Variants in DLG2 observed in about 807,000 individuals in gnomAD.
The protein encoded by DLG2 is discs large MAGUK scaffold protein 2, also known as disks large homolog 2.
Under a neutral mutation model 132.5 loss-of-function variants are expected in DLG2, and 45 were observed. That is an observed-to-expected ratio of 0.34 (90% CI 0.27 to 0.44). The LOEUF is 0.44. Among genes scored for constraint, DLG2 ranks in the 20% least tolerant of loss-of-function variants. The pLI, the probability that DLG2 is intolerant of heterozygous loss-of-function variation, is 1.00. For missense variants in DLG2, 1,045 were observed against 1,196.9 expected, an observed-to-expected ratio of 0.87 and a Z score of 1.87; for synonymous variants, 424 against 419.6, an observed-to-expected ratio of 1.01 and a Z score of -0.13.
rs146761023 is a variant in DLG2 at position 84,546,548 on chromosome 11, G to T, written c.358-11817C>A. 3,421 of 368,324 alleles carry T rather than the reference G, an allele frequency of 9.3e-3. 33 individuals carry two copies. The highest frequency in any genetic ancestry group is 0.013 in the Non-Finnish European group (2,497 of 186,546). 22.8% of individuals were successfully genotyped at this position (368,324 alleles called of 1,614,324 possible). A position where few individuals can be genotyped will look rare whatever the true frequency, so the allele number is the denominator to read the frequency against. On this transcript the variant is annotated intron_variant, in intron 6 of 27. Transcript: ENST00000376104. Reference sequence around the variant, plus strand: ...AAATATCTTTTTCACAGTTAAGTAGGCAACTAGTCTTTGAGAATCTCCTCT... The same window carrying T: ...AAATATCTTTTTCACAGTTAAGTAGTCAACTAGTCTTTGAGAATCTCCTCT...
At chr11:85,012,139 T>TGGAGA (rs1566644270) in intron 6 of DLG2, among the ~76,000 whole-genome samples, 15 of 80,698 alleles carry the variant, frequency 1.9e-4, no homozygotes, top group Middle Eastern at 5.7e-3. Context: ...CTGACCAACA[T>TGGAGA]AATCTATGTG....
chr11:84,354,594 CTTAGAAGTGTTGCCT>C (rs1388014020), intron 7 of DLG2, among the ~76,000 whole-genome samples: 3 of 152,042 alleles, frequency 2.0e-5, no homozygotes, highest in Non-Finnish European at 4.4e-5. Flanking sequence ...TCACTGACTC[CTTAGAAGTGTTGCCT>C]TTAGAAGTAC....
At chr11:84,624,976 GCCT>G (rs369456887) in intron 6 of DLG2, among the ~76,000 whole-genome samples, 8,251 of 144,148 alleles carry the variant, frequency 0.057, 266 homozygotes, top group African/African-American at 0.087. Flanking sequence ...TCCTGCCTCA[GCCT>G]CCTCCCAAGT....
At chr11:84,966,264 C>T (rs1011211720) in intron 6 of DLG2, among the ~76,000 whole-genome samples, 1 of 151,996 alleles carries the variant, frequency 6.6e-6, no homozygotes, top group Non-Finnish European at 1.5e-5. Flanking sequence ...GCATTACCAA[C>T]ATACCCCAGT....
chr11:85,082,263 C>G (rs2067332157), intron 6 of DLG2, among the ~76,000 whole-genome samples: 1 of 151,890 alleles, frequency 6.6e-6, no homozygotes, highest in African/African-American at 2.4e-5. Context: ...TTTTAAAAAA[C>G]CTTCAAACTA....
intron 21 of DLG2, among the ~76,000 whole-genome samples, chr11:83,499,547 G>A (rs954488584): frequency 8.6e-5 from 13 of 151,272 alleles, no homozygotes; most frequent in East Asian, 2.0e-4. Context: ...CCATTTATTC[G>A]TAATTAATAA....
chr11:84,833,650 G>A (rs927056841), intron 6 of DLG2, among the ~76,000 whole-genome samples: 1 of 151,264 alleles, frequency 6.6e-6, no homozygotes, highest in African/African-American at 2.4e-5. Flanking sequence ...GGGAGTGGTG[G>A]CAGTTGTGGG....
intron 3 of DLG2, among the ~76,000 whole-genome samples, chr11:85,405,633 T>C (rs1432847586): frequency 6.6e-6 from 1 of 152,000 alleles, no homozygotes; most frequent in Admixed American, 6.6e-5. Flanking sequence ...GGAATTATTA[T>C]TATTCCCATT....
intron 4 of DLG2, among the ~76,000 whole-genome samples, chr11:85,277,261 T>C (rs542492034): frequency 6.6e-6 from 1 of 152,274 alleles, no homozygotes; most frequent in East Asian, 1.9e-4. Context: ...TTAAAGCTTG[T>C]TTCTAAATCT....
chr11:83,946,550 G>A (rs546396354), intron 14 of DLG2, among the ~76,000 whole-genome samples: 3 of 152,122 alleles, frequency 2.0e-5, no homozygotes, highest in South Asian at 2.1e-4. Flanking sequence ...GAAAAAGGTC[G>A]GAAATAGTCA....
chr11:83,741,342 T>C (rs928310716), intron 18 of DLG2, among the ~76,000 whole-genome samples: 3 of 151,936 alleles, frequency 2.0e-5, no homozygotes, highest in Admixed American at 6.6e-5. Context: ...GGTACCCAAA[T>C]AGGAAAAGAA....
chr11:84,288,677 A>C (rs1715534047), intron 7 of DLG2, among the ~76,000 whole-genome samples: 1 of 152,208 alleles, frequency 6.6e-6, no homozygotes, highest in Admixed American at 6.5e-5. Flanking sequence ...TCAACAGAAA[A>C]ACCCCTAAAT....
intron 14 of DLG2, among the ~76,000 whole-genome samples, chr11:83,943,556 C>T (rs1267528551): frequency 6.6e-6 from 1 of 152,130 alleles, no homozygotes; most frequent in East Asian, 1.9e-4. Context: ...ACCATATTTG[C>T]TATTTAAATT....
intron 3 of DLG2, among the ~76,000 whole-genome samples, chr11:85,551,281 C>T (rs1565674298): frequency 6.6e-6 from 1 of 151,924 alleles, no homozygotes; most frequent in Non-Finnish European, 1.5e-5. Context: ...CCATTATGTT[C>T]CCCCAAAAGA....
chr11:84,025,412 C>A (rs2095512082), intron 11 of DLG2, among the ~76,000 whole-genome samples: 1 of 152,094 alleles, frequency 6.6e-6, no homozygotes, highest in Non-Finnish European at 1.5e-5. Flanking sequence ...CTGGGTCCCT[C>A]CCCCAACACT....
At chr11:84,514,022 T>A (rs903096796) in intron 7 of DLG2, among the ~76,000 whole-genome samples, 2 of 151,974 alleles carry the variant, frequency 1.3e-5, no homozygotes, top group Non-Finnish European at 2.9e-5. Flanking sequence ...TATTTAAAAA[T>A]TGGCAAAATA....
intron 15 of DLG2, among the ~76,000 whole-genome samples, chr11:83,913,365 T>TA (rs2076390186): frequency 6.6e-6 from 1 of 151,918 alleles, no homozygotes; most frequent in East Asian, 1.9e-4. Flanking sequence ...TTTAAATATA[T>TA]TTTTTTTATT....
intron 11 of DLG2, among the ~76,000 whole-genome samples, chr11:83,990,470 T>A (rs185863194): frequency 6.6e-6 from 1 of 152,244 alleles, no homozygotes. Context: ...GAGAACACCA[T>A]GAACGGATCG....
At chr11:84,517,362 A>C (rs1290768781) in intron 7 of DLG2, among the ~76,000 whole-genome samples, 1 of 152,014 alleles carries the variant, frequency 6.6e-6, no homozygotes, top group African/African-American at 2.4e-5. Context: ...TCTGAAGAGA[A>C]GACATACAAA....
Sources: allele counts gnomAD v4.1 joint callset (sites outside exome capture counted in the v4.1 genomes callset), GRCh38; gene constraint gnomAD v4.1.1; transcripts MANE v1.5; gene names NCBI Gene and HGNC (gene_info 2026-07-23, HGNC 2026-07-21).